The following FAM135B variants were observed in gnomAD, a reference collection of about 807,000 sequenced individuals.
FAM135B encodes the protein family with sequence similarity 135 member B, also known as protein FAM135B.
FAM135B carries 43 observed loss-of-function variants against 127.7 expected under a neutral mutation model. That is an observed-to-expected ratio of 0.34 (90% CI 0.26 to 0.43). The LOEUF (loss-of-function observed/expected upper bound fraction) is 0.43, where lower values mean the gene tolerates loss of function less well. FAM135B is among the 20% of genes least tolerant of loss of function. The probability of loss-of-function intolerance (pLI) is 1.00; values close to 1 mark genes in which losing one functional copy is unlikely to be tolerated. For synonymous variants in FAM135B, 670 were observed against 665.1 expected (o/e 1.01, Z -0.11); for missense variants, 1,558 against 1,725.6 (o/e 0.90, Z 1.72).
chr8:138,164,322 C>A (rs1319785725), intron 12 of FAM135B, among the ~76,000 whole-genome samples: 2 of 152,106 alleles, frequency 1.3e-5, no homozygotes, highest in Non-Finnish European at 2.9e-5. Flanking sequence ...AGAAGAGAGA[C>A]CCGCCTCTGA....
chr8:138,410,105 G>A (rs902150182), intron 1 of FAM135B, among the ~76,000 whole-genome samples: 7 of 152,084 alleles, frequency 4.6e-5, no homozygotes, highest in African/African-American at 1.7e-4. Context: ...ATGGTGCCTG[G>A]AGCTGCCACT....
intron 3 of FAM135B, among the ~76,000 whole-genome samples, chr8:138,283,089 C>T (rs1259899953): frequency 8.5e-5 from 13 of 152,130 alleles, no homozygotes; most frequent in Non-Finnish European, 1.6e-4. Context: ...TTAGTAGAGA[C>T]GGGGTTTCAC....
chr8:138,335,041 A>G (rs1828463614), intron 2 of FAM135B, among the ~76,000 whole-genome samples: 1 of 152,340 alleles, frequency 6.6e-6, no homozygotes, highest in Non-Finnish European at 1.5e-5. Context: ...ATTCTGAGGA[A>G]TACATTTTTT....
At chr8:138,430,482 C>T (rs1835137250) in intron 1 of FAM135B, among the ~76,000 whole-genome samples, 1 of 152,192 alleles carries the variant, frequency 6.6e-6, no homozygotes, top group South Asian at 2.1e-4. Context: ...AGCTTGGGAG[C>T]TCTCAGCTGA....
At chr8:138,400,522 T>A in intron 1 of FAM135B, among the ~76,000 whole-genome samples, 1 of 152,090 alleles carries the variant, frequency 6.6e-6, no homozygotes, top group South Asian at 2.1e-4. Flanking sequence ...GAAGGGAAGA[T>A]GAGAGGAGGA....
rs143202849 is a variant in FAM135B at position 138,422,436 on chromosome 8, C to T, written c.-19-54434G>A. ...TAACCAACAAGCAAAAGACAAATAA[C>T]CCCATTTTTAAAAAGCCAAAGGACA... On this transcript the variant is annotated intron_variant, in intron 1 of 19. Transcript: ENST00000395297. Among the ~76,000 whole-genome samples, 536 of 152,076 alleles carry T rather than the reference C, an allele frequency of 3.5e-3. 2 individuals are homozygous for T. The highest frequency in any genetic ancestry group is 5.6e-3 in the Non-Finnish European group (380 of 67,972).
chr8:138,291,027 G>A (rs1825072305), intron 3 of FAM135B, among the ~76,000 whole-genome samples: 1 of 152,046 alleles, frequency 6.6e-6, no homozygotes, highest in South Asian at 2.1e-4. Context: ...GACCTGGAAG[G>A]GGACTTTCTG....
intron 1 of FAM135B, among the ~76,000 whole-genome samples, chr8:138,418,870 ACACT>A (rs1297966678): frequency 1.3e-5 from 2 of 149,928 alleles, no homozygotes; most frequent in Non-Finnish European, 3.0e-5. Flanking sequence ...GAAAAAAAAA[ACACT>A]CACCAACCAC....
At chr8:138,209,079 A>G (rs1817936551) in intron 7 of FAM135B, among the ~76,000 whole-genome samples, 1 of 152,152 alleles carries the variant, frequency 6.6e-6, no homozygotes, top group Non-Finnish European at 1.5e-5. Flanking sequence ...TCAGCAATCA[A>G]TGGGGTCAGT....
chr8:138,264,088 C>T (rs138913258), intron 4 of FAM135B, among the ~76,000 whole-genome samples: 4 of 152,308 alleles, frequency 2.6e-5, no homozygotes, highest in Non-Finnish European at 5.9e-5. Context: ...TGCAAGTCAC[C>T]TCAGCCTTAG....
rs112486029 is a variant in FAM135B at position 138,470,464 on chromosome 8, G to A, written c.-20+26207C>T. 4.6e-3 allele frequency among the ~76,000 whole-genome samples: 697 copies of A among 152,258 alleles called. 4 individuals carry two copies. The highest frequency in any genetic ancestry group is 0.016 in the African/African-American group (665 of 41,542). ...CCCTGGTTCAGATGGTCTTGCGGAT[G>A]ATATTTTTATAACGTATTATCAAAT... On this transcript the variant is annotated intron_variant, in intron 1 of 19. Transcript: ENST00000395297.
At chr8:138,457,990 A>AG (rs35338292) in intron 1 of FAM135B, among the ~76,000 whole-genome samples, 13,848 of 149,598 alleles carry the variant, frequency 0.093, 776 homozygotes, top group Non-Finnish European at 0.13. Context: ...AAAAAAAAAA[A>AG]AGAGAGAGAA....
rs761317354 is a variant in FAM135B, at chr8:138,198,716, C to A, written c.670-1047G>T. ...TAATTTGTCCAATGAGGAAAAGACA[C>A]CTAAGTCTACAGTGCACTTGGAGAC... is the stretch of plus-strand genomic sequence containing the variant. On this transcript the variant is annotated intron_variant, in intron 7 of 19. Transcript: ENST00000395297. Among the ~76,000 whole-genome samples the A allele has an allele frequency of 3.3e-5, 5 of 152,172 alleles. No homozygotes were observed. In the East Asian group the frequency reaches 7.7e-4, roughly 23 times the overall value.
chr8:138,392,830 T>TC (rs1409416045), intron 1 of FAM135B, among the ~76,000 whole-genome samples: 1 of 152,168 alleles, frequency 6.6e-6, no homozygotes, highest in Non-Finnish European at 1.5e-5. Context: ...TCCCTGTACT[T>TC]CCACTCCAGC....
chr8:138,406,419 A>T (rs1282876956), intron 1 of FAM135B, among the ~76,000 whole-genome samples: 1 of 151,850 alleles, frequency 6.6e-6, no homozygotes, highest in Non-Finnish European at 1.5e-5. Flanking sequence ...TGAGGCCAGC[A>T]TCATCCTGAT....
At chr8:138,167,513 A>G (rs1820044628) in intron 12 of FAM135B, among the ~76,000 whole-genome samples, 1 of 152,160 alleles carries the variant, frequency 6.6e-6, no homozygotes, top group South Asian at 2.1e-4. Flanking sequence ...CAATGCCTTT[A>G]AAGTTCACCT....
At chr8:138,233,280 T>C (rs535131673) in intron 7 of FAM135B, among the ~76,000 whole-genome samples, 1 of 152,292 alleles carries the variant, frequency 6.6e-6, no homozygotes, top group Admixed American at 6.5e-5. Context: ...CACCAAATTG[T>C]AGACGCTAAA....
chr8:138,232,394 G>A (rs919425230), intron 7 of FAM135B, among the ~76,000 whole-genome samples: 2 of 152,148 alleles, frequency 1.3e-5, no homozygotes, highest in Admixed American at 6.5e-5. Context: ...TAATAAACTA[G>A]GGTGGTCTAT....
In FAM135B at chr8:138,141,109, G is replaced by C. The variant is rs1817102005; in HGVS notation, c.3790+89C>G. 1.2e-5 allele frequency: 15 copies of C among 1,275,000 alleles called. No homozygotes were observed. The highest frequency in any genetic ancestry group is 1.6e-5 in the Non-Finnish European group (14 of 899,026). The allele number at this position is 1,275,000 out of a possible 1,614,324, so 79.0% of individuals were successfully genotyped here. On this transcript the variant is annotated intron_variant, in intron 17 of 19. Coordinates refer to ENST00000395297, the MANE Select transcript of FAM135B (RefSeq NM_015912.4). The surrounding 1 kb of genome is among the most constrained non-coding windows in gnomAD (Gnocchi z 4.7). ...CTTGGAAAAGACTGCACAGTCACAGGGTTCCAAGTGGAAGTACCTGTGCCC... is the reference window on the plus strand; with the variant it reads ...CTTGGAAAAGACTGCACAGTCACAGCGTTCCAAGTGGAAGTACCTGTGCCC...
Sources: allele counts gnomAD v4.1 joint callset (sites outside exome capture counted in the v4.1 genomes callset), GRCh38; gene constraint gnomAD v4.1.1; non-coding constraint Gnocchi (gnomAD v3.1); transcripts MANE v1.5; gene names NCBI Gene and HGNC (gene_info 2026-07-23, HGNC 2026-07-21).